SPECC1: variants seen among roughly 807,000 people sequenced by gnomAD.
SPECC1 encodes sperm antigen with calponin homology and coiled-coil domains 1, also known as cytospin-B.
A neutral mutation model predicts 104.1 loss-of-function variants in SPECC1; 62 were observed. That is an observed-to-expected ratio of 0.60 (90% CI 0.49 to 0.74). The LOEUF is 0.74. Among genes scored for constraint, SPECC1 ranks in the 30% least tolerant of loss-of-function variants. The pLI is 0.00. For missense variants in SPECC1, 1,306 were observed against 1,310.5 expected (o/e 1.00, Z 0.05); for synonymous variants, 513 against 501.6 (o/e 1.02, Z -0.30).
At chr17:20,311,814 G>C (rs2142233802) in intron 14 of SPECC1, among the ~76,000 whole-genome samples, 1 of 152,288 alleles carries the variant, frequency 6.6e-6, no homozygotes, top group South Asian at 2.1e-4. Flanking sequence ...AGGTAAAAGA[G>C]GTTCCCTTCT....
intron 3 of SPECC1, among the ~76,000 whole-genome samples, chr17:20,189,774 T>A (rs763448091): frequency 2.0e-5 from 3 of 152,186 alleles, no homozygotes; most frequent in Non-Finnish European, 2.9e-5. Context: ...ACAAGCATTT[T>A]GAATTCTAAT....
At chr17:20,109,616 T>A (rs754521075) in intron 2 of SPECC1, among the ~76,000 whole-genome samples, 50 of 152,356 alleles carry the variant, frequency 3.3e-4, no homozygotes, top group Non-Finnish European at 5.6e-4. Context: ...CAAGATTTCC[T>A]TTCTCACCTT....
chr17:20,082,164 G>A (rs150051986), intron 1 of SPECC1, among the ~76,000 whole-genome samples: 117 of 152,278 alleles, frequency 7.7e-4, no homozygotes, highest in African/African-American at 2.6e-3. Flanking sequence ...GCTTTTGGGG[G>A]TGCTCCTCTT....
chr17:20,026,816 G>A (rs1426210724), intron 1 of SPECC1, among the ~76,000 whole-genome samples: 1 of 152,114 alleles, frequency 6.6e-6, no homozygotes, highest in Non-Finnish European at 1.5e-5. Flanking sequence ...AGGGTTGCTG[G>A]ATCATATGGT....
intron 1 of SPECC1, among the ~76,000 whole-genome samples, chr17:20,041,368 G>T (rs1372854318): frequency 1.3e-5 from 2 of 151,574 alleles, no homozygotes; most frequent in Admixed American, 1.3e-4. Context: ...TCGGCCTCCT[G>T]AGTAGCTAGG....
chr17:20,058,165 C>T (rs978655166), intron 1 of SPECC1, among the ~76,000 whole-genome samples: 1 of 152,124 alleles, frequency 6.6e-6, no homozygotes, highest in African/African-American at 2.4e-5. Flanking sequence ...TTATCAAAGT[C>T]ATGAAGAAAC....
At chr17:20,293,857 T>C (rs1449889442) in intron 12 of SPECC1, among the ~76,000 whole-genome samples, 8 of 152,094 alleles carry the variant, frequency 5.3e-5, no homozygotes, top group African/African-American at 1.9e-4. Flanking sequence ...CTTGTTGGGG[T>C]GAGCAGGTGG....
intron 7 of SPECC1, among the ~76,000 whole-genome samples, chr17:20,243,718 A>G (rs533664485): frequency 4.6e-5 from 7 of 152,206 alleles, no homozygotes. Flanking sequence ...AGCCTGAGGT[A>G]ATTGATTCTT....
At chr17:20,241,127 T>C (rs1255628552) in intron 7 of SPECC1, among the ~76,000 whole-genome samples, 1 of 152,230 alleles carries the variant, frequency 6.6e-6, no homozygotes, top group Non-Finnish European at 1.5e-5. Flanking sequence ...TGAAGGTACA[T>C]TTGTATTACA....
intron 13 of SPECC1, among the ~76,000 whole-genome samples, chr17:20,298,984 G>GTGTGTGTGTGT (rs1395919924): frequency 0.078 from 5,812 of 74,288 alleles, 1,130 homozygotes; most frequent in East Asian, 0.2. Context: ...TGTAGAGAGA[G>GTGTGTGTGTGT]AGAGAGAGAG....
chr17:20,255,573 T>G lies in SPECC1; in HGVS notation c.2681-1878T>G, dbSNP rs574979440. Among the ~76,000 whole-genome samples, 16 of 152,354 alleles carry G rather than the reference T, an allele frequency of 1.1e-4. No individual in the cohort carries two copies. The South Asian group carries it at 3.3e-3, about 32-fold the overall frequency. Reference sequence around the variant, plus strand: ...TCTATTGTGTAGAGACACCATTCTTTCTGGTTTTCTTTGAGAGAGAGTCTT... The same window carrying G: ...TCTATTGTGTAGAGACACCATTCTTGCTGGTTTTCTTTGAGAGAGAGTCTT... On this transcript the variant is annotated intron_variant, in intron 10 of 14. Transcript: ENST00000395527.
At chr17:20,162,838 A>G (rs1461199843) in intron 3 of SPECC1, among the ~76,000 whole-genome samples, 1 of 152,182 alleles carries the variant, frequency 6.6e-6, no homozygotes, top group East Asian at 1.9e-4. Context: ...GACCAGCCTG[A>G]CCAACATGGA....
At chr17:20,112,794 T>A (rs2048559441) in intron 3 of SPECC1, 2 of 1,461,172 alleles carry the variant, frequency 1.4e-6, no homozygotes, top group Admixed American at 3.3e-5. Context: ...GGAATTAACC[T>A]GAGAGTGACT....
chr17:20,231,508 G>A (rs1210614398), intron 5 of SPECC1, among the ~76,000 whole-genome samples: 1 of 152,214 alleles, frequency 6.6e-6, no homozygotes, highest in Non-Finnish European at 1.5e-5. Flanking sequence ...TCTGTCTGCT[G>A]AGACTGTAAC....
intron 12 of SPECC1, among the ~76,000 whole-genome samples, chr17:20,278,815 CA>C (rs1424486054): frequency 2.0e-5 from 3 of 152,106 alleles, no homozygotes; most frequent in African/African-American, 7.2e-5. Context: ...TGCCAATTTA[CA>C]CTTTAAAATT....
At chr17:20,223,159 C>G (rs1157913583) in intron 4 of SPECC1, among the ~76,000 whole-genome samples, 1 of 151,910 alleles carries the variant, frequency 6.6e-6, no homozygotes, top group Non-Finnish European at 1.5e-5. Flanking sequence ...TCTTTAAAGC[C>G]AATAACTTAC....
intron 3 of SPECC1, chr17:20,126,451 C>T (rs2049310534): frequency 6.6e-6 from 1 of 152,190 alleles, no homozygotes; most frequent in Non-Finnish European, 1.5e-5. Context: ...CTAATCTTCT[C>T]TGCATCATTC....
At chr17:20,297,162 C>T in intron 13 of SPECC1, 85 bp downstream of exon 13, 2 of 1,186,236 alleles carry the variant, frequency 1.7e-6, no homozygotes, top group Non-Finnish European at 2.4e-6. Context: ...AGGGGGCTTA[C>T]AGGCCTGAAG....
chr17:20,298,877 T>G (rs1199374384), intron 13 of SPECC1, among the ~76,000 whole-genome samples: 2 of 150,312 alleles, frequency 1.3e-5, no homozygotes, highest in Non-Finnish European at 2.9e-5. Context: ...AGCAAAGTAA[T>G]TTAATTTTTA....
Sources: allele counts gnomAD v4.1 joint callset (sites outside exome capture counted in the v4.1 genomes callset), GRCh38; gene constraint gnomAD v4.1.1; transcripts MANE v1.5; gene names NCBI Gene and HGNC (gene_info 2026-07-23, HGNC 2026-07-21).